ESRRG: variants seen among roughly 807,000 people sequenced by gnomAD.
ESRRG encodes estrogen related receptor gamma, also known as estrogen-related receptor gamma.
A neutral mutation model predicts 44.0 loss-of-function variants in ESRRG; 13 were observed. That is an observed-to-expected ratio of 0.30 (90% CI 0.19 to 0.47). The LOEUF (loss-of-function observed/expected upper bound fraction) is 0.47, where lower values mean the gene tolerates loss of function less well. Ranked by LOEUF, ESRRG falls within the 20% of genes least tolerant of loss-of-function variation. ESRRG has a pLI of 1.00. For missense variants in ESRRG, 395 were observed against 580.6 expected (o/e 0.68, Z 3.29); for synonymous variants, 215 against 214.6 (o/e 1.00, Z -0.02).
chr1:216,709,278 G>A (rs897877902), intron 1 of ESRRG, among the ~76,000 whole-genome samples: 1 of 151,450 alleles, frequency 6.6e-6, no homozygotes, highest in Non-Finnish European at 1.5e-5. Context: ...ATTTGCATGT[G>A]TTCAAAGAAG....
chr1:216,642,759 T>C (rs1258796686), intron 3 of ESRRG, among the ~76,000 whole-genome samples: 1 of 152,196 alleles, frequency 6.6e-6, no homozygotes, highest in Non-Finnish European at 1.5e-5. Flanking sequence ...CAATAATTTC[T>C]GTTTTTGACT....
chr1:216,916,826 G>C (rs2061225053), intron 2 of ESRRG, among the ~76,000 whole-genome samples: 1 of 110,454 alleles, frequency 9.1e-6, no homozygotes, highest in South Asian at 3.4e-4. Context: ...ATTCCACTCA[G>C]CTTTGGTCTT....
At chr1:217,064,916 C>A (rs1259662389) in intron 1 of ESRRG, among the ~76,000 whole-genome samples, 3 of 151,968 alleles carry the variant, frequency 2.0e-5, no homozygotes, top group Non-Finnish European at 2.9e-5. Flanking sequence ...TTACTCTGGG[C>A]TTTTAATGAG....
chr1:216,707,569 A>T, intron 1 of ESRRG: 1 of 1,371,986 alleles, frequency 7.3e-7, no homozygotes, highest in Middle Eastern at 1.9e-4. Flanking sequence ...TTAAGTCCTG[A>T]ATTTATTTTA....
At chr1:216,844,000 C>A (rs1367319209) in intron 2 of ESRRG, among the ~76,000 whole-genome samples, 1 of 151,958 alleles carries the variant, frequency 6.6e-6, no homozygotes, top group Non-Finnish European at 1.5e-5. Context: ...TGTTTGGGTG[C>A]ACTCTTCTTT....
intron 1 of ESRRG, among the ~76,000 whole-genome samples, chr1:216,681,290 GGTTTT>G (rs1281709503): frequency 6.6e-6 from 1 of 152,026 alleles, no homozygotes; most frequent in East Asian, 1.9e-4. Context: ...TGAGACACTA[GGTTTT>G]ATTTTATTAT....
At chr1:216,784,881 T>G (rs1266303809) in intron 2 of ESRRG, among the ~76,000 whole-genome samples, 1 of 152,102 alleles carries the variant, frequency 6.6e-6, no homozygotes, top group Non-Finnish European at 1.5e-5. Context: ...TTACATAATT[T>G]GACCATCCCT....
In ESRRG at chr1:216,659,456, T is replaced by TG. The variant is rs1183923137; in HGVS notation, c.473-8368dup. Among the ~76,000 whole-genome samples the TG allele has an allele frequency of 2.0e-5, 3 of 152,184 alleles. No homozygotes were observed. The South Asian group carries it at 6.2e-4, about 31-fold the overall frequency. Reference sequence around the variant, plus strand: ...TCATGAACACTTCCTGTCTCTACCTTGGAGCACACACAGTGCCTATCGCTG... The same window carrying TG: ...TCATGAACACTTCCTGTCTCTACCTTGGGAGCACACACAGTGCCTATCGCTG... On this transcript the variant is annotated intron_variant, in intron 2 of 6. Transcript: ENST00000408911.
intron 2 of ESRRG, among the ~76,000 whole-genome samples, chr1:216,663,739 G>T (rs1329891196): frequency 1.3e-5 from 2 of 152,032 alleles, no homozygotes; most frequent in Admixed American, 1.3e-4. Flanking sequence ...TTATGCAAAT[G>T]GACAATTATT....
At chr1:217,064,617 G>A (rs1044911698) in intron 1 of ESRRG, among the ~76,000 whole-genome samples, 1 of 152,192 alleles carries the variant, frequency 6.6e-6, no homozygotes, top group Admixed American at 6.5e-5. Context: ...AATGAGGCCA[G>A]GAGATTGAGA....
At chr1:217,106,853 C>T (rs2092603619) in intron 1 of ESRRG, among the ~76,000 whole-genome samples, 1 of 152,182 alleles carries the variant, frequency 6.6e-6, no homozygotes. Context: ...AAAAATTCTT[C>T]ATGGCAAACA....
At chr1:216,526,154 G>A (rs1487761115) in intron 5 of ESRRG, among the ~76,000 whole-genome samples, 7 of 152,018 alleles carry the variant, frequency 4.6e-5, no homozygotes, top group Non-Finnish European at 8.8e-5. Flanking sequence ...ATAACTTTGA[G>A]GTCTAGAGAT....
At chr1:216,784,645 G>T (rs945224454) in intron 2 of ESRRG, among the ~76,000 whole-genome samples, 8 of 152,022 alleles carry the variant, frequency 5.3e-5, no homozygotes, top group Admixed American at 1.3e-4. Flanking sequence ...TTATAAAACA[G>T]ATGATTGTAT....
chr1:216,969,607 C>T (rs373910515), intron 1 of ESRRG, among the ~76,000 whole-genome samples: 23 of 152,106 alleles, frequency 1.5e-4, no homozygotes, highest in East Asian at 5.8e-4. Context: ...TTTTTTGAGA[C>T]GGAGTTTCGC....
intron 2 of ESRRG, among the ~76,000 whole-genome samples, chr1:216,928,765 A>G (rs1176694909): frequency 6.6e-6 from 1 of 152,242 alleles, no homozygotes; most frequent in Non-Finnish European, 1.5e-5. Flanking sequence ...AGTGAATATT[A>G]TTAAGCCTTG....
chr1:217,090,612 G>T (rs1465708052), upstream of ESRRG: 2 of 152,124 alleles, frequency 1.3e-5, no homozygotes, highest in Non-Finnish European at 2.9e-5. Context: ...TTTAAAAATG[G>T]GGAGGGGTCA....
chr1:216,723,176 A>C, intron 1 of ESRRG, 68 bp downstream of exon 1: 102 of 1,197,518 alleles, frequency 8.5e-5, no homozygotes, highest in Non-Finnish European at 1.1e-4. Flanking sequence ...GTGTAAAGAT[A>C]TAGTCTGTCC....
intron 1 of ESRRG, among the ~76,000 whole-genome samples, chr1:216,701,958 T>C (rs1381788924): frequency 6.6e-6 from 1 of 152,228 alleles, no homozygotes; most frequent in African/African-American, 2.4e-5. Flanking sequence ...AAAAGGAGAT[T>C]TACTTTTGAA....
chr1:216,968,102 G>T (rs1007537780), intron 1 of ESRRG, among the ~76,000 whole-genome samples: 1 of 152,016 alleles, frequency 6.6e-6, no homozygotes, highest in African/African-American at 2.4e-5. Context: ...ATTTCTTATT[G>T]TTGAGTTTTA....
Sources: gnomAD v4.1 joint callset for allele counts (sites outside exome capture counted in the v4.1 genomes callset) on GRCh38, gnomAD v4.1.1 for gene constraint, MANE v1.5 for transcripts, NCBI Gene and HGNC (gene_info 2026-07-23, HGNC 2026-07-21) for gene names.